Variants in ABRAXAS1 observed in about 807,000 individuals in gnomAD.
ABRAXAS1 encodes the protein abraxas 1, BRCA1 A complex subunit.
ABRAXAS1 carries 26 observed loss-of-function variants against 38.4 expected under a neutral mutation model. The observed-to-expected ratio is 0.68, with a 90% confidence interval of 0.50 to 0.94. The LOEUF (loss-of-function observed/expected upper bound fraction) is 0.94, where lower values mean the gene tolerates loss of function less well. Among genes scored for constraint, ABRAXAS1 ranks in the 40% least tolerant of loss-of-function variants. The pLI, the probability that ABRAXAS1 is intolerant of heterozygous loss-of-function variation, is 0.00. For missense variants in ABRAXAS1, 438 were observed against 481.9 expected (o/e 0.91, Z 0.85); for synonymous variants, 144 against 165.5 (o/e 0.87, Z 1.00).
At chr4:83,469,377 G>C (rs922131283) in intron 5 of ABRAXAS1, 1 of 448,082 alleles carries the variant, frequency 2.2e-6, no homozygotes, top group Non-Finnish European at 4.1e-6. Context: ...GCAGTGGTGC[G>C]ATCATGGCTC....
intron 1 of ABRAXAS1, among the ~76,000 whole-genome samples, chr4:83,482,664 C>G (rs1263518939): frequency 6.6e-6 from 1 of 152,118 alleles, no homozygotes. Context: ...CCACTGCACT[C>G]CAGCCCAGGC....
intron 3 of ABRAXAS1, among the ~76,000 whole-genome samples, chr4:83,475,894 T>C (rs1453351856): frequency 2.6e-5 from 4 of 152,132 alleles, no homozygotes; most frequent in Non-Finnish European, 5.9e-5. Context: ...AGAAAAGCAA[T>C]AAGAAACAGG....
chr4:83,467,657 A>C (rs770610165), intron 6 of ABRAXAS1, 119 bp from the exon 7 acceptor site: 1 of 616,292 alleles, frequency 1.6e-6, no homozygotes, highest in Admixed American at 3.2e-5. Context: ...TGTAGGAACC[A>C]TAATTTTGTC....
intron 2 of ABRAXAS1, among the ~76,000 whole-genome samples, chr4:83,476,967 A>C (rs114331681): frequency 1.3e-5 from 2 of 152,228 alleles, no homozygotes; most frequent in African/African-American, 4.8e-5. Flanking sequence ...TAACGGTCTA[A>C]TAAGTCCAAC....
chr4:83,469,215 G>A, intron 5 of ABRAXAS1, 64 bp from the exon 6 acceptor site: 2 of 1,394,584 alleles, frequency 1.4e-6, no homozygotes, highest in East Asian at 2.3e-5. Flanking sequence ...TCTACCTGCT[G>A]GAATAGATTA....
chr4:83,485,050 G>T lies in ABRAXAS1; in HGVS notation c.23C>A (p.Ala8Glu), dbSNP rs1484318861. 1.9e-6 allele frequency: 3 copies of T among 1,594,058 alleles called. No individual in the cohort carries two copies. In the African/African-American group the frequency reaches 4.1e-5, roughly 22 times the overall value. MEGESTS[A>E]VLSGFVLGAL... is the part of the protein sequence containing the mutation. Reference sequence around the variant, plus strand: ...GCCGAGCACAAAGCCCGAGAGCACCGCCGACGTACTCTCCCCCTCCATGCT... The same window carrying T: ...GCCGAGCACAAAGCCCGAGAGCACCTCCGACGTACTCTCCCCCTCCATGCT... The change falls in exon 1 of 9, where the codon GCG (alanine) becomes GAG (glutamate). Residue 8 changes from alanine to glutamate, a missense_variant. Around this residue, in one of 3 missense-constraint regions of ABRAXAS1, gnomAD observed 60 missense variants for 31.1 expected, o/e 1.93. Coordinates refer to ENST00000321945, the MANE Select transcript of ABRAXAS1 (RefSeq NM_139076.3).
rs1343739717 is a variant in ABRAXAS1, at chr4:83,461,120, G to A, written c.*1349C>T. ...CAAGAACTTTAATTATCTCTTTACA[G>A]GGTTTATGCCAGTTACATACAAGGA... On this transcript the variant is annotated 3_prime_UTR_variant, in exon 9 of 9. Coordinates refer to ENST00000321945, the MANE Select transcript of ABRAXAS1 (RefSeq NM_139076.3). The A allele has an allele frequency of 6.2e-7, 1 of 1,613,658 alleles. No homozygotes were observed. The highest frequency in any genetic ancestry group is 8.5e-7 in the Non-Finnish European group (1 of 1,179,766).
chr4:83,485,021 G>A lies in ABRAXAS1; in HGVS notation c.52C>T (p.Leu18Phe). The A allele has an allele frequency of 1.3e-6, 2 of 1,595,626 alleles. No homozygotes were observed. Among genetic ancestry groups the A allele is most frequent in the Non-Finnish European group, 1.7e-6 (2 of 1,171,722 alleles). The change falls in exon 1 of 9, where the codon CTC becomes TTC. Residue 18 changes from leucine to phenylalanine, a missense_variant. By Grantham distance (22) the Leu-to-Phe change is conservative. This residue lies in a region of ABRAXAS1 where 60 missense variants were observed against 31.1 expected (regional missense o/e 1.93). Coordinates refer to ENST00000321945, the MANE Select transcript of ABRAXAS1 (RefSeq NM_139076.3). The part of the protein sequence containing the change: ...AVLSGFVLGA[L>F]AFQHLNTDSD... ...TCCGTGTTGAGGTGCTGGAAAGCGA[G>A]TGCGCCGAGCACAAAGCCCGAGAGC...
intron 2 of ABRAXAS1, among the ~76,000 whole-genome samples, chr4:83,481,860 G>A (rs1023284897): frequency 2.6e-5 from 4 of 151,860 alleles, no homozygotes; most frequent in Non-Finnish European, 5.9e-5. Flanking sequence ...AGCAATTCTC[G>A]TGCCTCAGCC....
intron 7 of ABRAXAS1, among the ~76,000 whole-genome samples, chr4:83,465,650 T>C (rs1722327678): frequency 6.6e-6 from 1 of 152,012 alleles, no homozygotes; most frequent in Non-Finnish European, 1.5e-5. Flanking sequence ...TAGCTGGGTG[T>C]AGTGGTGCAC....
chr4:83,464,834 A>G (rs1722287216), intron 7 of ABRAXAS1, among the ~76,000 whole-genome samples: 1 of 152,202 alleles, frequency 6.6e-6, no homozygotes, highest in Admixed American at 6.5e-5. Flanking sequence ...CTGGAAGGAT[A>G]GCAATGTGCA....
intron 3 of ABRAXAS1, among the ~76,000 whole-genome samples, chr4:83,473,515 TA>T (rs1722656732): frequency 6.6e-6 from 1 of 152,082 alleles, no homozygotes. Context: ...GGTGGCATTT[TA>T]TGTAGAAACT....
At position 83,461,695 on chromosome 4, in the gene ABRAXAS1, A is replaced by T; in HGVS notation, c.*774T>A. On this transcript the variant is annotated 3_prime_UTR_variant, in exon 9 of 9. Transcript: ENST00000321945. ...ATGATAGACATACATGTATATATGTATCAGTTCTGAGTTCCACTGGCCTAT... is the reference window on the plus strand; with the variant it reads ...ATGATAGACATACATGTATATATGTTTCAGTTCTGAGTTCCACTGGCCTAT... The T allele has an allele frequency of 4.1e-6, 1 of 245,682 alleles. No individual in the cohort carries two copies. The highest frequency in any genetic ancestry group is 8.0e-6 in the Non-Finnish European group (1 of 124,266). The allele number at this position is 245,682 out of a possible 1,614,324, so 15.2% of individuals were successfully genotyped here. A position where few individuals can be genotyped will look rare whatever the true frequency, so the allele number is the denominator to read the frequency against.
chr4:83,467,377 A>G (rs1722406144), intron 7 of ABRAXAS1, 77 bp downstream of exon 7: 3 of 830,220 alleles, frequency 3.6e-6, no homozygotes, highest in African/African-American at 3.4e-5. Flanking sequence ...ATGTCAGGTT[A>G]TCCTAAAAAA....
intron 2 of ABRAXAS1, among the ~76,000 whole-genome samples, chr4:83,481,256 CAT>C: frequency 6.6e-6 from 1 of 152,256 alleles, no homozygotes; most frequent in South Asian, 2.1e-4. Flanking sequence ...TTTAAAAATA[CAT>C]ACACATATAT....
chr4:83,480,157 T>A (rs1722936680), intron 2 of ABRAXAS1: 1 of 228,920 alleles, frequency 4.4e-6, no homozygotes, highest in Admixed American at 5.7e-5. Context: ...TCACTTGAGG[T>A]CAGGAGTTCG....
At chr4:83,480,035 T>C (rs947636892) in intron 2 of ABRAXAS1, 9 of 184,178 alleles carry the variant, frequency 4.9e-5, no homozygotes, top group African/African-American at 1.2e-4. Context: ...TTGGGAGATA[T>C]TAGGCACATA....
rs939185096 is a variant in ABRAXAS1 at position 83,461,851 on chromosome 4, C to T, written c.*618G>A. The T allele has an allele frequency of 4.4e-6, 1 of 227,726 alleles. No homozygotes were observed. The highest frequency in any genetic ancestry group is 8.7e-6 in the Non-Finnish European group (1 of 114,814). The allele number at this position is 227,726 out of a possible 1,614,324, so 14.1% of individuals were successfully genotyped here. Reference sequence around the variant, plus strand: ...TGTTATAGTTGTGTAATAATTAAGGCTGCCAGATTTAGCAAGTACAAATGT... The same window carrying T: ...TGTTATAGTTGTGTAATAATTAAGGTTGCCAGATTTAGCAAGTACAAATGT... On this transcript the variant is annotated 3_prime_UTR_variant, in exon 9 of 9. Coordinates refer to ENST00000321945, the MANE Select transcript of ABRAXAS1 (RefSeq NM_139076.3).
chr4:83,477,463 T>C, intron 2 of ABRAXAS1: 3 of 326,802 alleles, frequency 9.2e-6, no homozygotes, highest in South Asian at 6.2e-5. Context: ...GGGTTGCCAC[T>C]GCAGTGGCAT....
Sources: allele counts gnomAD v4.1 joint callset (sites outside exome capture counted in the v4.1 genomes callset), GRCh38; gene constraint gnomAD v4.1.1; regional missense constraint gnomAD v4.1.1; transcripts MANE v1.5; gene names NCBI Gene and HGNC (gene_info 2026-07-23, HGNC 2026-07-21).